Variants in TMIGD3 observed in about 807,000 individuals in gnomAD.
The protein encoded by TMIGD3 is AD026 protein (AD026).
Under a neutral mutation model 28.1 loss-of-function variants are expected in TMIGD3, and 21 were observed. The observed-to-expected ratio is 0.75, with a 90% confidence interval of 0.53 to 1.08. The LOEUF is 1.08. Ranked by LOEUF, TMIGD3 falls within the 50% of genes least tolerant of loss-of-function variation. The pLI is 0.00. For missense variants in TMIGD3, 416 were observed against 435.6 expected (o/e 0.96, Z 0.40); for synonymous variants, 151 against 162.1 (o/e 0.93, Z 0.52).
chr1:111,495,024 C>T (rs1195428273), intron 1 of TMIGD3, among the ~76,000 whole-genome samples: 3 of 152,150 alleles, frequency 2.0e-5, no homozygotes, highest in Non-Finnish European at 4.4e-5. Context: ...AAATGTAAAA[C>T]TCAAAACTAT....
At position 111,527,148 on chromosome 1, in the gene TMIGD3, C is replaced by T. The variant is rs987665102; in HGVS notation, c.108-36386G>A. On this transcript the variant is annotated intron_variant, in intron 1 of 5. Coordinates refer to the TMIGD3 transcript ENST00000369717. ...GCCTCAGTCTTCCAAGTAGCTGGGA[C>T]TACAGGTGCATGCCACCACACCCAG... 2.6e-5 allele frequency among the ~76,000 whole-genome samples: 4 copies of T among 151,028 alleles called. No homozygotes were observed. The East Asian group carries it at 5.9e-4, about 22-fold the overall frequency.
At chr1:111,489,701 C>T (rs1166960854) in intron 2 of TMIGD3, 3 of 1,061,390 alleles carry the variant, frequency 2.8e-6, no homozygotes, top group East Asian at 2.2e-4. Flanking sequence ...TCCCACCCTA[C>T]CTTAGCACCC....
rs1571416903 is a variant in TMIGD3, at chr1:111,502,954, G to A, written c.350+51C>T. ...AAAAGTCTGGGCTCTGGGCTTTGTA[G>A]CCTCATTTCCCAGCTGCCTCAATTG... On this transcript the variant is annotated intron_variant, in intron 1 of 5. Coordinates refer to ENST00000369716, the MANE Select transcript of TMIGD3 (RefSeq NM_020683.7). 6 of 1,594,788 alleles carry A rather than the reference G, an allele frequency of 3.8e-6. No homozygotes were observed. In the East Asian group the frequency reaches 1.3e-4, roughly 36 times the overall value.
intron 1 of TMIGD3, among the ~76,000 whole-genome samples, chr1:111,517,097 GCT>G (rs1655895746): frequency 6.6e-6 from 1 of 152,112 alleles, no homozygotes; most frequent in African/African-American, 2.4e-5. Flanking sequence ...AGGAGTGCAA[GCT>G]CATGCTTGCG....
intron 1 of TMIGD3, among the ~76,000 whole-genome samples, chr1:111,533,865 T>C (rs1337605044): frequency 1.3e-5 from 2 of 152,170 alleles, no homozygotes; most frequent in Non-Finnish European, 2.9e-5. Context: ...GTACAGCATA[T>C]TGGTTAATAA....
At chr1:111,542,536 C>T (rs971964168) in intron 1 of TMIGD3, 1 of 189,692 alleles carries the variant, frequency 5.3e-6, no homozygotes, top group East Asian at 1.4e-4. Context: ...TCATTTACAG[C>T]AGTACAGACT....
At chr1:111,499,592 C>T in intron 1 of TMIGD3, 1 of 1,064,572 alleles carries the variant, frequency 9.4e-7, no homozygotes, top group Non-Finnish European at 1.1e-6. Context: ...GAGTCACCAC[C>T]ACACACATGT....
intron 1 of TMIGD3, among the ~76,000 whole-genome samples, chr1:111,513,952 G>A (rs997380613): frequency 2.0e-5 from 3 of 152,190 alleles, no homozygotes; most frequent in Non-Finnish European, 4.4e-5. Context: ...TGGTGGGAGG[G>A]GCTGTGGGAA....
intron 1 of TMIGD3, among the ~76,000 whole-genome samples, chr1:111,532,074 GAA>G (rs1656477018): frequency 3.0e-5 from 3 of 101,130 alleles, no homozygotes; most frequent in Admixed American, 1.4e-4. Flanking sequence ...TGGCTGGGAG[GAA>G]AGATTATAGC....
upstream of TMIGD3, among the ~76,000 whole-genome samples, chr1:111,508,200 C>T (rs575822700): frequency 4.2e-4 from 64 of 152,362 alleles, no homozygotes; most frequent in African/African-American, 1.5e-3. Context: ...ACCCCCCCAC[C>T]CACACCGAGT....
At chr1:111,488,080 C>T (rs971724675) in intron 3 of TMIGD3, among the ~76,000 whole-genome samples, 5 of 152,170 alleles carry the variant, frequency 3.3e-5, no homozygotes, top group African/African-American at 1.2e-4. Flanking sequence ...GCTGGGATTA[C>T]AGGAGTGAGC....
intron 1 of TMIGD3, among the ~76,000 whole-genome samples, chr1:111,537,650 T>A (rs1656685128): frequency 6.6e-6 from 1 of 152,246 alleles, no homozygotes; most frequent in African/African-American, 2.4e-5. Flanking sequence ...CTTTCCCTTT[T>A]ATTATTTTAA....
At chr1:111,506,632 T>C (rs1313973929), upstream of TMIGD3, among the ~76,000 whole-genome samples, 1 of 152,124 alleles carries the variant, frequency 6.6e-6, no homozygotes, top group Non-Finnish European at 1.5e-5. Flanking sequence ...AAGGAGTCCC[T>C]GGGTTTGATG....
At chr1:111,532,860 A>G (rs190055325) in intron 1 of TMIGD3, among the ~76,000 whole-genome samples, 1 of 152,314 alleles carries the variant, frequency 6.6e-6, no homozygotes, top group African/African-American at 2.4e-5. Flanking sequence ...ATGAGCTGAT[A>G]GCGGACCTGG....
intron 1 of TMIGD3, among the ~76,000 whole-genome samples, chr1:111,541,807 C>T (rs997172743): frequency 6.6e-6 from 1 of 151,968 alleles, no homozygotes; most frequent in African/African-American, 2.4e-5. Flanking sequence ...AGTTGAAGAC[C>T]CCAGAAGAGA....
chr1:111,530,165 T>G (rs1283833652), intron 1 of TMIGD3, among the ~76,000 whole-genome samples: 1 of 152,226 alleles, frequency 6.6e-6, no homozygotes, highest in Non-Finnish European at 1.5e-5. Flanking sequence ...TTTTTATTAT[T>G]TTTGTAACAA....
At chr1:111,516,414 AT>A (rs1655870098) in intron 1 of TMIGD3, among the ~76,000 whole-genome samples, 1 of 152,328 alleles carries the variant, frequency 6.6e-6, no homozygotes, top group Admixed American at 6.5e-5. Context: ...TCATGCTCTT[AT>A]CAGCCTCAGC....
At chr1:111,506,384 C>T (rs2100989173), upstream of TMIGD3, among the ~76,000 whole-genome samples, 1 of 152,352 alleles carries the variant, frequency 6.6e-6, no homozygotes. Context: ...ATACCAACTA[C>T]TCAGTGTTAA....
At chr1:111,558,402 G>A (rs950160449) in intron 1 of TMIGD3, among the ~76,000 whole-genome samples, 4 of 151,714 alleles carry the variant, frequency 2.6e-5, no homozygotes, top group African/African-American at 9.7e-5. Flanking sequence ...GCCCAAGCTG[G>A]TCTTGAACTC....
Sources: allele counts gnomAD v4.1 joint callset (sites outside exome capture counted in the v4.1 genomes callset), GRCh38; gene constraint gnomAD v4.1.1; transcripts MANE v1.5; gene names NCBI Gene and HGNC (gene_info 2026-07-23, HGNC 2026-07-21).